The following USH2A variants were observed in gnomAD, a reference collection of about 807,000 sequenced individuals.
The protein encoded by USH2A is usherin, also known as Usher syndrome 2A (autosomal recessive, mild).
A neutral mutation model predicts 538.9 loss-of-function variants in USH2A; 443 were observed. The ratio of observed to expected loss-of-function variants is 0.82; its 90% CI spans 0.76 to 0.89. The LOEUF (loss-of-function observed/expected upper bound fraction) is 0.89, where lower values mean the gene tolerates loss of function less well. USH2A is among the 40% of genes least tolerant of loss of function. The pLI, the probability that USH2A is intolerant of heterozygous loss-of-function variation, is 0.00. For synonymous variants in USH2A, 2,413 were observed against 2,273.5 expected (o/e 1.06, Z -1.75); for missense variants, 6,633 against 6,324.8 (o/e 1.05, Z -1.65).
chr1:216,200,417 CG>C (rs1169548356), intron 16 of USH2A, among the ~76,000 whole-genome samples: 4 of 152,092 alleles, frequency 2.6e-5, no homozygotes, highest in African/African-American at 7.2e-5. Context: ...AAAGTCCTTG[CG>C]GTTCTCCAAA....
chr1:216,081,567 G>C (rs1057503600), intron 26 of USH2A, among the ~76,000 whole-genome samples: 1 of 151,908 alleles, frequency 6.6e-6, no homozygotes, highest in Non-Finnish European at 1.5e-5. Context: ...TAGGCACTCC[G>C]TATATATTTA....
intron 58 of USH2A, among the ~76,000 whole-genome samples, chr1:215,751,735 A>G (rs577403712): frequency 2.6e-5 from 4 of 152,292 alleles, no homozygotes; most frequent in Non-Finnish European, 4.4e-5. Flanking sequence ...GAGAGCTGGT[A>G]AAAGGTGAGA....
rs111033514 is a variant in USH2A, at chr1:216,048,563, T to C, written c.6134A>G (p.His2045Arg). Residue 2045 changes from histidine (H) to arginine (R), a missense_variant, in exon 31 of 72, where the codon CAT (histidine) becomes CGT (arginine). Coordinates refer to ENST00000307340, the MANE Select transcript of USH2A (RefSeq NM_206933.4). Reference protein sequence around the residue: ...CTLAGCTESSHALNISTPQEA... With the variant: ...CTLAGCTESSRALNISTPQEA... ...TTGTGGAGTAGAGATGTTCAATGCA[T>C]GTGAGCTCTCAGTACAGCCAGCCAA... is the stretch of plus-strand genomic sequence containing the variant. 1.0e-4 allele frequency: 165 copies of C among 1,613,990 alleles called. No individual in the cohort carries two copies. Among genetic ancestry groups the C allele is most frequent in the Non-Finnish European group, 1.3e-4 (148 of 1,179,974 alleles).
intron 11 of USH2A, among the ~76,000 whole-genome samples, chr1:216,267,186 T>C (rs942983759): frequency 2.6e-5 from 4 of 152,016 alleles, no homozygotes; most frequent in African/African-American, 9.7e-5. Flanking sequence ...CCGGAGAATG[T>C]GGAGTCCTCT....
At chr1:215,782,638 G>T in intron 53 of USH2A, 100 bp downstream of exon 53, 1 of 1,228,368 alleles carries the variant, frequency 8.1e-7, no homozygotes, top group Non-Finnish European at 1.2e-6. Flanking sequence ...CTTTTCTAGT[G>T]GTTAGATGCA....
At chr1:216,286,105 G>A (rs1449487905) in intron 11 of USH2A, among the ~76,000 whole-genome samples, 1 of 152,148 alleles carries the variant, frequency 6.6e-6, no homozygotes, top group African/African-American at 2.4e-5. Context: ...GTTTTGAATG[G>A]TGAGAACATG....
chr1:215,906,656 G>A (rs1042534230), intron 38 of USH2A, among the ~76,000 whole-genome samples: 3 of 151,648 alleles, frequency 2.0e-5, no homozygotes, highest in Non-Finnish European at 4.4e-5. Context: ...AGTACCTCCC[G>A]GTCTTATTTC....
intron 61 of USH2A, among the ~76,000 whole-genome samples, chr1:215,712,683 C>G (rs542699258): frequency 6.6e-6 from 1 of 152,284 alleles, no homozygotes; most frequent in East Asian, 1.9e-4. Context: ...GCCACAAGAC[C>G]ATTCTGCTAC....
intron 21 of USH2A, among the ~76,000 whole-genome samples, chr1:216,133,194 A>G (rs935917979): frequency 2.1e-4 from 32 of 152,174 alleles, no homozygotes; most frequent in African/African-American, 6.5e-4. Context: ...GAAAGCAACA[A>G]AAATCTGGCT....
At chr1:216,157,277 C>T (rs1029353324) in intron 21 of USH2A, among the ~76,000 whole-genome samples, 2 of 152,088 alleles carry the variant, frequency 1.3e-5, no homozygotes, top group African/African-American at 2.4e-5. Context: ...CAATGAGATA[C>T]CATCTCACAC....
At chr1:215,938,669 T>G (rs1176957013) in intron 37 of USH2A, among the ~76,000 whole-genome samples, 1 of 152,120 alleles carries the variant, frequency 6.6e-6, no homozygotes, top group Non-Finnish European at 1.5e-5. Context: ...CCTTTTAAGC[T>G]TCTGAGTTCT....
At chr1:215,732,159 C>G (rs754199814) in intron 60 of USH2A, among the ~76,000 whole-genome samples, 2 of 152,172 alleles carry the variant, frequency 1.3e-5, no homozygotes, top group Non-Finnish European at 2.9e-5. Context: ...AGACCCTGAA[C>G]TAGATTGCTG....
At chr1:216,273,824 A>C (rs2036619780) in intron 11 of USH2A, among the ~76,000 whole-genome samples, 1 of 151,814 alleles carries the variant, frequency 6.6e-6, no homozygotes, top group South Asian at 2.1e-4. Flanking sequence ...AAAAAAAAAA[A>C]AAAACAAACC....
intron 44 of USH2A, 36 bp downstream of exon 44, chr1:215,866,971 A>T (rs752010726): frequency 6.2e-7 from 1 of 1,613,906 alleles, no homozygotes; most frequent in Non-Finnish European, 8.5e-7. Context: ...TTAAAAATAC[A>T]CAAAGTGTTA....
chr1:216,365,336 T>C (rs1205909155), intron 3 of USH2A, among the ~76,000 whole-genome samples: 1 of 152,178 alleles, frequency 6.6e-6, no homozygotes, highest in African/African-American at 2.4e-5. Context: ...GTTTGTCCCA[T>C]ACATGTAACA....
intron 64 of USH2A, among the ~76,000 whole-genome samples, chr1:215,652,416 C>T (rs573412468): frequency 6.6e-6 from 1 of 152,302 alleles, no homozygotes. Flanking sequence ...GGTGTCTTAG[C>T]TTGCAAGGAT....
At chr1:215,766,404 C>T (rs561799806) in intron 56 of USH2A, among the ~76,000 whole-genome samples, 1 of 152,048 alleles carries the variant, frequency 6.6e-6, no homozygotes, top group Non-Finnish European at 1.5e-5. Context: ...TAGATGCTCC[C>T]AAAATATTTA....
intron 32 of USH2A, among the ~76,000 whole-genome samples, chr1:216,001,062 A>G (rs900319737): frequency 7.2e-5 from 11 of 152,170 alleles, no homozygotes; most frequent in African/African-American, 2.4e-4. Context: ...GGTGCAGTGC[A>G]GATGCCTGTT....
intron 38 of USH2A, among the ~76,000 whole-genome samples, chr1:215,910,727 T>G (rs557546101): frequency 6.6e-6 from 1 of 152,018 alleles, no homozygotes; most frequent in Non-Finnish European, 1.5e-5. Flanking sequence ...TAAGTATCAC[T>G]AAGTCATTTA....
Sources: gnomAD v4.1 joint callset for allele counts (sites outside exome capture counted in the v4.1 genomes callset) on GRCh38, gnomAD v4.1.1 for gene constraint, MANE v1.5 for transcripts, NCBI Gene and HGNC (gene_info 2026-07-23, HGNC 2026-07-21) for gene names.